The following RNF182 variants were observed in gnomAD, a reference collection of about 807,000 sequenced individuals.
RNF182 encodes the protein ring finger protein 182, also known as E3 ubiquitin-protein ligase RNF182.
RNF182 carries 15 observed loss-of-function variants against 14.4 expected under a neutral mutation model. The ratio of observed to expected loss-of-function variants is 1.04; its 90% confidence interval spans 0.70 to 1.60. The LOEUF is 1.60. Among genes scored for constraint, RNF182 ranks in the 40% most tolerant of loss-of-function variants. RNF182 has a pLI of 0.00. For synonymous variants in RNF182, 128 were observed against 122.9 expected (o/e 1.04, Z -0.27); for missense variants, 268 against 294.8 (o/e 0.91, Z 0.67).
At chr6:13,947,368 T>C (rs140354719) in intron 1 of RNF182, among the ~76,000 whole-genome samples, 78 of 152,364 alleles carry the variant, frequency 5.1e-4, no homozygotes, top group African/African-American at 1.7e-3. Flanking sequence ...CAAACCATGG[T>C]AGGACTGATT....
intron 1 of RNF182, among the ~76,000 whole-genome samples, chr6:13,928,691 C>T (rs1247775172): frequency 6.6e-6 from 1 of 152,144 alleles, no homozygotes; most frequent in Non-Finnish European, 1.5e-5. Context: ...TAGGTGATTG[C>T]TTATTTCCAT....
intron 1 of RNF182, among the ~76,000 whole-genome samples, chr6:13,960,704 C>T (rs1027240848): frequency 2.7e-5 from 4 of 150,286 alleles, no homozygotes; most frequent in African/African-American, 9.8e-5. Context: ...CGCGCGTGCA[C>T]ATGCATGTGA....
intron 1 of RNF182, among the ~76,000 whole-genome samples, chr6:13,966,211 A>G (rs1760025099): frequency 6.6e-6 from 1 of 152,184 alleles, no homozygotes; most frequent in Admixed American, 6.5e-5. Context: ...AAATATCATC[A>G]CCTATTTTCT....
chr6:13,927,163 C>T (rs912598146), intron 1 of RNF182, among the ~76,000 whole-genome samples: 6 of 151,938 alleles, frequency 3.9e-5, no homozygotes, highest in East Asian at 1.9e-4. Flanking sequence ...ATAAGAGCTC[C>T]GAAGCATGAA....
chr6:13,975,649 G>A lies in RNF182; in HGVS notation c.-211-1260G>A, dbSNP rs1321515111. On this transcript the variant is annotated intron_variant, in intron 2 of 2. Coordinates refer to ENST00000488300, the MANE Select transcript of RNF182 (RefSeq NM_152737.4). ...ATGTATTAATAAGTCAACTATTCAT[G>A]ATTTTTAAAGTTATCCAGATTCAGC... Among the ~76,000 whole-genome samples the A allele has an allele frequency of 2.6e-5, 4 of 152,294 alleles. No homozygotes were observed. The East Asian group carries it at 7.7e-4, about 29-fold the overall frequency.
At chr6:13,937,647 T>C (rs1285341737) in intron 1 of RNF182, among the ~76,000 whole-genome samples, 1 of 152,250 alleles carries the variant, frequency 6.6e-6, no homozygotes, top group East Asian at 1.9e-4. Flanking sequence ...TACATGTGTA[T>C]GTGAGCATTT....
At chr6:13,952,164 C>T (rs955318439) in intron 1 of RNF182, among the ~76,000 whole-genome samples, 5 of 152,040 alleles carry the variant, frequency 3.3e-5, no homozygotes, top group Non-Finnish European at 4.4e-5. Flanking sequence ...GGCTGGGAGG[C>T]GAGGAGCTCA....
At chr6:13,953,497 G>A (rs1759646857) in intron 1 of RNF182, among the ~76,000 whole-genome samples, 1 of 152,148 alleles carries the variant, frequency 6.6e-6, no homozygotes, top group African/African-American at 2.4e-5. Flanking sequence ...TATCACAGAA[G>A]TCAAAGGCAT....
intron 1 of RNF182, among the ~76,000 whole-genome samples, chr6:13,927,112 A>C (rs550885987): frequency 1.3e-5 from 2 of 152,140 alleles, no homozygotes; most frequent in Non-Finnish European, 2.9e-5. Context: ...GAAATCAACA[A>C]TCATGTATTG....
At position 13,977,251 on chromosome 6, in the gene RNF182, T is replaced by C. The variant is rs1270669628; in HGVS notation, c.132T>C (p.Cys44=). The C allele has an allele frequency of 1.2e-6, 2 of 1,614,178 alleles. No individual in the cohort carries two copies. Among genetic ancestry groups the C allele is most frequent in the South Asian group, 2.2e-5 (2 of 91,082 alleles). ...PKVLECCHRV[C]AKCLYKIIDF... ...TGCTGGAGTGTTGTCATAGGGTTTG[T>C]GCCAAATGCCTCTACAAGATCATAG... The change falls in exon 3 of 3, where the codon TGT becomes TGC. Residue 44 remains cysteine, a synonymous_variant. Transcript: ENST00000488300.
intron 1 of RNF182, among the ~76,000 whole-genome samples, chr6:13,936,236 C>T (rs1170419520): frequency 2.0e-5 from 3 of 152,226 alleles, no homozygotes; most frequent in Non-Finnish European, 2.9e-5. Context: ...GGTGGGGACA[C>T]AGAGCCAAAC....
At chr6:13,933,390 C>T (rs916621709) in intron 1 of RNF182, among the ~76,000 whole-genome samples, 3 of 151,628 alleles carry the variant, frequency 2.0e-5, no homozygotes, top group South Asian at 2.1e-4. Context: ...GTGGTACGCA[C>T]GTGTAGTCCC....
chr6:13,934,238 A>C (rs1759048187), intron 1 of RNF182, among the ~76,000 whole-genome samples: 1 of 152,154 alleles, frequency 6.6e-6, no homozygotes, highest in Non-Finnish European at 1.5e-5. Context: ...GTAGTCCTAG[A>C]CTTGATTCAG....
In RNF182 at chr6:13,977,553, G is replaced by A; in HGVS notation, c.434G>A (p.Ser145Asn). The A allele has an allele frequency of 6.2e-7, 1 of 1,614,178 alleles. No homozygotes were observed. Among genetic ancestry groups the A allele is most frequent in the Non-Finnish European group, 8.5e-7 (1 of 1,180,028 alleles). ...EVQRESSPSL[S>N]STPVVEFYRP... is the part of the protein sequence containing the mutation. ...CAGAGAGAGAGCTCCCCGTCCCTGA[G>A]CTCCACTCCTGTGGTAGAATTTTAT... The change falls in exon 3 of 3, where the codon AGC (serine) becomes AAC (asparagine). Residue 145 changes from serine to asparagine, a missense_variant. Coordinates refer to ENST00000488300, the MANE Select transcript of RNF182 (RefSeq NM_152737.4).
At chr6:13,976,768 G>A (rs1268068589) in intron 2 of RNF182, 141 bp from the exon 3 acceptor site, 3 of 245,062 alleles carry the variant, frequency 1.2e-5, no homozygotes, top group Non-Finnish European at 2.4e-5. Flanking sequence ...GGACAGAAGT[G>A]TGTGAAAAGA....
At chr6:13,964,350 A>C (rs986791699) in intron 1 of RNF182, among the ~76,000 whole-genome samples, 12 of 152,222 alleles carry the variant, frequency 7.9e-5, no homozygotes, top group African/African-American at 2.9e-4. Context: ...AGTTTGGTAC[A>C]TATCTTTATG....
chr6:13,941,471 T>G (rs1759297851), intron 1 of RNF182, among the ~76,000 whole-genome samples: 1 of 152,124 alleles, frequency 6.6e-6, no homozygotes, highest in Non-Finnish European at 1.5e-5. Context: ...TATAGCTGGC[T>G]TTTGTTTACT....
In RNF182 at chr6:13,966,831, CGT is replaced by C. The variant is rs1554127193; in HGVS notation, c.-366-7358_-366-7357del. Among the ~76,000 whole-genome samples the C allele has an allele frequency of 5.6e-4, 55 of 98,628 alleles. 2 individuals are homozygous for C. Among genetic ancestry groups the C allele is most frequent in the Middle Eastern group, 5.4e-3 (1 of 184 alleles). The allele number at this position is 98,628 out of a possible 152,430, so 64.7% of individuals were successfully genotyped here. On this transcript the variant is annotated intron_variant, in intron 1 of 2. Transcript: ENST00000488300. The stretch of plus-strand genomic sequence containing the variant: ...ATGCTGTTTTGTGTGTGTGCGCGTG[CGT>C]GTGTGTGTGTGTGTGTGTGTTTTCA...
In RNF182 at chr6:13,942,412, G is replaced by C. The variant is rs140977908; in HGVS notation, c.-367+17389G>C. On this transcript the variant is annotated intron_variant, in intron 1 of 2. Coordinates refer to ENST00000488300, the MANE Select transcript of RNF182 (RefSeq NM_152737.4). ...GCTGGAGTCAAGTGGTGTGATCTCAGCTCACTGCAACCTCTGCCTCCTGGG... is the reference window on the plus strand; with the variant it reads ...GCTGGAGTCAAGTGGTGTGATCTCACCTCACTGCAACCTCTGCCTCCTGGG... Among the ~76,000 whole-genome samples, 1,355 of 152,274 alleles carry C rather than the reference G, an allele frequency of 8.9e-3. 15 individuals carry two copies. The highest frequency in any genetic ancestry group is 0.011 in the Non-Finnish European group (748 of 68,018).
Sources: gnomAD v4.1 joint callset for allele counts (sites outside exome capture counted in the v4.1 genomes callset) on GRCh38, gnomAD v4.1.1 for gene constraint, MANE v1.5 for transcripts, NCBI Gene and HGNC (gene_info 2026-07-23, HGNC 2026-07-21) for gene names.